The following JARID2 variants were observed in gnomAD, a reference collection of about 807,000 sequenced individuals.
JARID2 encodes the protein jumonji and AT-rich interaction domain containing 2.
JARID2 carries 21 observed loss-of-function variants against 125.6 expected under a neutral mutation model. That is an observed-to-expected ratio of 0.17 (90% CI 0.12 to 0.24). JARID2 has a LOEUF of 0.24. Among genes scored for constraint, JARID2 ranks in the 10% least tolerant of loss-of-function variants. The probability of loss-of-function intolerance (pLI) is 1.00; values close to 1 mark genes in which losing one functional copy is unlikely to be tolerated. For synonymous variants in JARID2, 736 were observed against 661.6 expected (o/e 1.11, Z -1.73); for missense variants, 1,303 against 1,639.6 (o/e 0.79, Z 3.55).
chr6:15,515,757 AAAAAAAC>A (rs1415954158), intron 16 of JARID2, among the ~76,000 whole-genome samples: 1 of 150,916 alleles, frequency 6.6e-6, no homozygotes, highest in African/African-American at 2.4e-5. Flanking sequence ...TCTTTAAAAA[AAAAAAAC>A]AAAAACAAAA....
At chr6:15,444,739 T>A (rs1486814806) in intron 3 of JARID2, among the ~76,000 whole-genome samples, 3 of 146,480 alleles carry the variant, frequency 2.0e-5, no homozygotes, top group Admixed American at 6.7e-5. Context: ...TGTCTGATTT[T>A]TTTTTTTTTT....
intron 9 of JARID2, chr6:15,505,050 G>C (rs1180578975): frequency 6.2e-6 from 1 of 162,288 alleles, no homozygotes; most frequent in Non-Finnish European, 1.4e-5. Context: ...CTTTGAGTTA[G>C]TATGAGGTTG....
intron 1 of JARID2, among the ~76,000 whole-genome samples, chr6:15,321,944 A>T (rs1017145061): frequency 6.6e-6 from 1 of 151,844 alleles, no homozygotes; most frequent in African/African-American, 2.4e-5. Flanking sequence ...ACTGCCCAGC[A>T]CTACGCCCAG....
At chr6:15,471,099 T>C (rs1156424363) in intron 5 of JARID2, among the ~76,000 whole-genome samples, 3 of 152,222 alleles carry the variant, frequency 2.0e-5, no homozygotes, top group African/African-American at 7.2e-5. Context: ...GAAGCTACAG[T>C]GGCATAGCTT....
intron 1 of JARID2, among the ~76,000 whole-genome samples, chr6:15,345,440 C>G (rs965597312): frequency 6.6e-6 from 1 of 152,126 alleles, no homozygotes; most frequent in African/African-American, 2.4e-5. Flanking sequence ...ATCTGGAGCT[C>G]GAGCTTACTC....
At chr6:15,312,528 C>T (rs1423178572) in intron 1 of JARID2, among the ~76,000 whole-genome samples, 2 of 152,196 alleles carry the variant, frequency 1.3e-5, no homozygotes, top group Non-Finnish European at 2.9e-5. Context: ...TCCTGTGCCC[C>T]CATGCCAGCG....
At chr6:15,449,795 G>GT (rs532196630) in intron 3 of JARID2, among the ~76,000 whole-genome samples, 1 of 152,230 alleles carries the variant, frequency 6.6e-6, no homozygotes, top group African/African-American at 2.4e-5. Flanking sequence ...TGGATTGTCA[G>GT]TTTGTATCAG....
chr6:15,365,582 G>A (rs896100576), intron 1 of JARID2, among the ~76,000 whole-genome samples: 12 of 151,408 alleles, frequency 7.9e-5, no homozygotes, highest in African/African-American at 2.7e-4. Context: ...GCAATAAATC[G>A]TTTTCAGCAG....
At chr6:15,451,183 C>G (rs984763486) in intron 3 of JARID2, among the ~76,000 whole-genome samples, 3 of 152,084 alleles carry the variant, frequency 2.0e-5, no homozygotes, top group African/African-American at 4.8e-5. Flanking sequence ...GTTCCAAGAT[C>G]TATTAGGATT....
At chr6:15,406,707 G>T (rs982009848) in intron 2 of JARID2, among the ~76,000 whole-genome samples, 5 of 152,112 alleles carry the variant, frequency 3.3e-5, no homozygotes, top group Non-Finnish European at 7.4e-5. Flanking sequence ...ACATAAAATC[G>T]TTTAATATTC....
chr6:15,450,134 A>G (rs1767854533), intron 3 of JARID2, among the ~76,000 whole-genome samples: 1 of 152,100 alleles, frequency 6.6e-6, no homozygotes, highest in African/African-American at 2.4e-5. Flanking sequence ...TCTTTAAGGG[A>G]ATACATCTGC....
chr6:15,330,929 T>C (rs1403143380), intron 1 of JARID2, among the ~76,000 whole-genome samples: 1 of 152,208 alleles, frequency 6.6e-6, no homozygotes, highest in African/African-American at 2.4e-5. Flanking sequence ...GGAAAGAGTG[T>C]TATGTGTTGT....
At chr6:15,294,858 A>T (rs937827656) in intron 1 of JARID2, among the ~76,000 whole-genome samples, 3 of 152,184 alleles carry the variant, frequency 2.0e-5, no homozygotes, top group African/African-American at 7.2e-5. Context: ...CTCCTGGAAG[A>T]TATCTGGGAA....
intron 2 of JARID2, among the ~76,000 whole-genome samples, chr6:15,396,241 T>G (rs1765213840): frequency 6.6e-6 from 1 of 152,202 alleles, no homozygotes; most frequent in Admixed American, 6.5e-5. Flanking sequence ...ATTTGAGTGT[T>G]TTATTACCAT....
intron 4 of JARID2, among the ~76,000 whole-genome samples, chr6:15,467,161 C>T (rs1768780135): frequency 6.6e-6 from 1 of 152,186 alleles, no homozygotes; most frequent in African/African-American, 2.4e-5. Context: ...GAGATGGGTG[C>T]TTGGTTTGCC....
At chr6:15,340,865 A>G (rs1303390684) in intron 1 of JARID2, among the ~76,000 whole-genome samples, 1 of 152,206 alleles carries the variant, frequency 6.6e-6, no homozygotes, top group African/African-American at 2.4e-5. Context: ...GAAGTCAGCT[A>G]TGGGATTACG....
At chr6:15,362,224 A>T (rs1763823724) in intron 1 of JARID2, among the ~76,000 whole-genome samples, 1 of 152,028 alleles carries the variant, frequency 6.6e-6, no homozygotes, top group South Asian at 2.1e-4. Context: ...AAAATATATC[A>T]GTTTAAGTGT....
At chr6:15,377,884 T>A (rs905399070) in intron 2 of JARID2, among the ~76,000 whole-genome samples, 29 of 126,120 alleles carry the variant, frequency 2.3e-4, no homozygotes, top group African/African-American at 7.4e-4. Context: ...TTTTTTTTCT[T>A]CTTCTTTTTT....
rs186222617 is a variant in JARID2, at chr6:15,346,065, A to G, written c.46-28052A>G. On this transcript the variant is annotated intron_variant, in intron 1 of 17. Transcript: ENST00000341776. ...TATTCAGTGATTTTTCCTGTCTGAT[A>G]AAAGTCTGTTGTCAGATGTAGATTG... Among the ~76,000 whole-genome samples, 198 of 152,358 alleles carry G rather than the reference A, an allele frequency of 1.3e-3. 4 individuals carry two copies. The highest frequency in any genetic ancestry group is 0.013 in the Admixed American group (197 of 15,300).
Sources: allele counts gnomAD v4.1 joint callset (sites outside exome capture counted in the v4.1 genomes callset), GRCh38; gene constraint gnomAD v4.1.1; transcripts MANE v1.5; gene names NCBI Gene and HGNC (gene_info 2026-07-23, HGNC 2026-07-21).